FHIP1A: variants seen among roughly 807,000 people sequenced by gnomAD.
FHIP1A encodes FHF complex subunit HOOK interacting protein 1A.
A neutral mutation model predicts 88.6 loss-of-function variants in FHIP1A; 61 were observed. The observed-to-expected ratio is 0.69, with a 90% CI of 0.56 to 0.85. FHIP1A has a LOEUF of 0.85. Among genes scored for constraint, FHIP1A ranks in the 40% least tolerant of loss-of-function variants. FHIP1A has a pLI of 0.00. For missense variants in FHIP1A, 1,154 were observed against 1,273.5 expected (o/e 0.91, Z 1.43); for synonymous variants, 478 against 496.0 (o/e 0.96, Z 0.48).
chr4:151,512,537 G>A (rs1051664173), intron 3 of FHIP1A, among the ~76,000 whole-genome samples: 11 of 152,164 alleles, frequency 7.2e-5, no homozygotes, highest in African/African-American at 2.7e-4. Flanking sequence ...CAAAGGCAAA[G>A]AAGTTGAAAA....
chr4:151,596,239 G>T (rs773263335), intron 7 of FHIP1A, among the ~76,000 whole-genome samples: 2 of 152,126 alleles, frequency 1.3e-5, no homozygotes, highest in African/African-American at 2.4e-5. Flanking sequence ...AAATCTTTCC[G>T]CATTTGCTTG....
At chr4:151,487,707 C>A (rs371084937) in intron 3 of FHIP1A, among the ~76,000 whole-genome samples, 4 of 152,314 alleles carry the variant, frequency 2.6e-5, no homozygotes, top group South Asian at 4.1e-4. Flanking sequence ...CCATGTAATT[C>A]CTTACAAAAT....
chr4:151,551,375 A>G (rs1475463569), intron 3 of FHIP1A, among the ~76,000 whole-genome samples: 1 of 152,228 alleles, frequency 6.6e-6, no homozygotes, highest in Non-Finnish European at 1.5e-5. Flanking sequence ...TGCATTGCCA[A>G]GACAATCCTA....
chr4:151,505,224 T>G (rs1580643694), intron 3 of FHIP1A, among the ~76,000 whole-genome samples: 5 of 152,348 alleles, frequency 3.3e-5, no homozygotes. Context: ...AACACATCAC[T>G]GTAGCCTGGA....
intron 2 of FHIP1A, among the ~76,000 whole-genome samples, chr4:151,473,315 T>G (rs1729591467): frequency 6.6e-6 from 1 of 151,968 alleles, no homozygotes; most frequent in South Asian, 2.1e-4. Context: ...AATGCTTATC[T>G]TTTTTTTAAA....
At chr4:151,452,864 G>C (rs1251370301) in intron 1 of FHIP1A, among the ~76,000 whole-genome samples, 1 of 151,386 alleles carries the variant, frequency 6.6e-6, no homozygotes, top group Non-Finnish European at 1.5e-5. Context: ...ATCATCTAGA[G>C]GTAGCCACCA....
intron 5 of FHIP1A, among the ~76,000 whole-genome samples, chr4:151,586,295 G>T (rs1302884918): frequency 1.3e-5 from 2 of 152,040 alleles, no homozygotes; most frequent in Non-Finnish European, 2.9e-5. Context: ...TTCCTCTCCT[G>T]AACTTCTTGA....
In FHIP1A at chr4:151,451,796, CTTTTTCTTTCTTT is replaced by C. The variant is rs570736677; in HGVS notation, c.-355-2891_-355-2879del. On this transcript the variant is annotated intron_variant, in intron 1 of 13. Transcript: ENST00000435205. ...TCAGTTGCATGTGTTTTTCTTTTTT[CTTTTTCTTTCTTT>C]TTTTTCTTTCTTTCTTTTTTTTTTT... Among the ~76,000 whole-genome samples the C allele has an allele frequency of 3.9e-4, 41 of 106,402 alleles. 1 individual carries two copies. The South Asian group carries it at 6.6e-3, about 17-fold the overall frequency. 69.8% of individuals were successfully genotyped at this position (106,402 alleles called of 152,430 possible).
At position 151,669,495 on chromosome 4, in the gene FHIP1A, T is replaced by C. The variant is rs1737784767; in HGVS notation, c.*6741T>C. Among the ~76,000 whole-genome samples the C allele has an allele frequency of 3.3e-5, 5 of 152,350 alleles. No individual in the cohort carries two copies. Among genetic ancestry groups the C allele is most frequent in the South Asian group, 4.1e-4 (2 of 4,830 alleles). ...TTAGTCACCAAGAAGCCAGAACTTT[T>C]GGTGAAAACAGAATTTATAAAATGA... On this transcript the variant is annotated 3_prime_UTR_variant, in exon 14 of 14. Transcript: ENST00000435205.
rs974024785 is a variant in FHIP1A at position 151,667,825 on chromosome 4, C to T, written c.*5071C>T. ...CCAATAGGACCTGTCAGCATGACTT[C>T]GACATGCATTCCAGGCATCTTTCGG... is the stretch of plus-strand genomic sequence containing the variant. On this transcript the variant is annotated 3_prime_UTR_variant, in exon 14 of 14. Coordinates refer to ENST00000435205, the MANE Select transcript of FHIP1A (RefSeq NM_001109977.3). Among the ~76,000 whole-genome samples, 3 of 152,146 alleles carry T rather than the reference C, an allele frequency of 2.0e-5. No homozygotes were observed. Among genetic ancestry groups the T allele is most frequent in the Non-Finnish European group, 4.4e-5 (3 of 68,036 alleles).
intron 3 of FHIP1A, among the ~76,000 whole-genome samples, chr4:151,528,557 T>C (rs1035004417): frequency 3.9e-5 from 6 of 152,206 alleles, no homozygotes; most frequent in African/African-American, 1.4e-4. Context: ...GAGGCCAGGC[T>C]AGGAGGAGGT....
chr4:151,592,458 C>T (rs1055651869), intron 7 of FHIP1A, among the ~76,000 whole-genome samples: 1 of 152,188 alleles, frequency 6.6e-6, no homozygotes, highest in Non-Finnish European at 1.5e-5. Flanking sequence ...TAATGATTGC[C>T]ATTCTAACTG....
chr4:151,535,176 A>G (rs1017490814), intron 3 of FHIP1A, among the ~76,000 whole-genome samples: 11 of 152,180 alleles, frequency 7.2e-5, no homozygotes, highest in Non-Finnish European at 1.6e-4. Flanking sequence ...TGATTGTGCC[A>G]CTGCACTCCA....
At chr4:151,653,513 G>A (rs1737110853) in intron 11 of FHIP1A, among the ~76,000 whole-genome samples, 2 of 152,012 alleles carry the variant, frequency 1.3e-5, no homozygotes, top group South Asian at 4.2e-4. Context: ...CTTTAAATGG[G>A]GATAAATAAT....
intron 3 of FHIP1A, among the ~76,000 whole-genome samples, chr4:151,519,233 A>T (rs1213303463): frequency 6.6e-6 from 1 of 152,190 alleles, no homozygotes; most frequent in Admixed American, 6.5e-5. Context: ...GACCCTTCCC[A>T]GTCAATCCCT....
At chr4:151,477,993 G>T (rs73861839) in intron 2 of FHIP1A, among the ~76,000 whole-genome samples, 1 of 151,942 alleles carries the variant, frequency 6.6e-6, no homozygotes, top group Non-Finnish European at 1.5e-5. Context: ...ACATTCATAC[G>T]CACTATGAAT....
chr4:151,596,271 C>T (rs542966281), intron 7 of FHIP1A, among the ~76,000 whole-genome samples: 3 of 152,246 alleles, frequency 2.0e-5, no homozygotes, highest in South Asian at 4.1e-4. Context: ...TTTTATTTCT[C>T]CTTTGCTTAG....
chr4:151,542,225 T>C (rs1259781446), intron 3 of FHIP1A, among the ~76,000 whole-genome samples: 3 of 152,182 alleles, frequency 2.0e-5, no homozygotes, highest in Admixed American at 1.3e-4. Context: ...CTCTGTTTTG[T>C]GCTGCTCTTG....
intron 3 of FHIP1A, among the ~76,000 whole-genome samples, chr4:151,521,658 T>C (rs1208226568): frequency 6.6e-6 from 1 of 152,184 alleles, no homozygotes; most frequent in East Asian, 1.9e-4. Context: ...GGAGGCTTCC[T>C]TTCCGGGTAT....
Sources: allele counts gnomAD v4.1 joint callset (sites outside exome capture counted in the v4.1 genomes callset), GRCh38; gene constraint gnomAD v4.1.1; transcripts MANE v1.5; gene names NCBI Gene and HGNC (gene_info 2026-07-23, HGNC 2026-07-21).